The following HSF2BP variants were observed in gnomAD, a reference collection of about 807,000 sequenced individuals.
HSF2BP encodes heat shock transcription factor 2 binding protein.
In HSF2BP, 35 loss-of-function variants were observed where a neutral mutation model predicts 35.0. The ratio of observed to expected loss-of-function variants is 1.00; its 90% CI spans 0.76 to 1.32. The LOEUF is 1.32. HSF2BP is among the 40% of genes most tolerant of loss of function. HSF2BP has a pLI of 0.00. For synonymous variants in HSF2BP, 114 were observed against 117.4 expected, an observed-to-expected ratio of 0.97 and a Z score of 0.18; for missense variants, 326 against 321.7, an observed-to-expected ratio of 1.01 and a Z score of -0.10.
At chr21:43,571,943 C>T (rs987488363) in intron 8 of HSF2BP, among the ~76,000 whole-genome samples, 5 of 151,726 alleles carry the variant, frequency 3.3e-5, no homozygotes, top group East Asian at 1.9e-4. Context: ...TGAATCAGAG[C>T]GACTAGGTCC....
Position 43,622,211 on chromosome 21 carries a change from C to T in HSF2BP, c.574+8111G>A, listed in dbSNP as rs192315552. 8.6e-4 allele frequency among the ~76,000 whole-genome samples: 131 copies of T among 151,834 alleles called. 1 individual carries two copies. Among genetic ancestry groups the T allele is most frequent in the Non-Finnish European group, 1.8e-3 (121 of 67,950 alleles). On this transcript the variant is annotated intron_variant, in intron 6 of 8. Coordinates refer to ENST00000291560, the MANE Select transcript of HSF2BP (RefSeq NM_007031.2). ...ATAAAAAGCAATGAACTAAAACACACCAGAGAAAATCACTTAACCATAAAG... is the reference window on the plus strand; with the variant it reads ...ATAAAAAGCAATGAACTAAAACACATCAGAGAAAATCACTTAACCATAAAG...
intron 7 of HSF2BP, among the ~76,000 whole-genome samples, chr21:43,601,016 A>G (rs1601645836): frequency 6.6e-6 from 1 of 152,322 alleles, no homozygotes; most frequent in Non-Finnish European, 1.5e-5. Context: ...CAACTTTTTA[A>G]CTAATCACAA....
chr21:43,658,710 C>G (rs1419851838), intron 1 of HSF2BP, among the ~76,000 whole-genome samples: 1 of 152,246 alleles, frequency 6.6e-6, no homozygotes, highest in Non-Finnish European at 1.5e-5. Context: ...AGCAAGCAGC[C>G]CGCCCTGCCC....
At chr21:43,606,843 A>G (rs1163666375) in intron 7 of HSF2BP, among the ~76,000 whole-genome samples, 1 of 152,204 alleles carries the variant, frequency 6.6e-6, no homozygotes, top group African/African-American at 2.4e-5. Context: ...GGAGGAAAAA[A>G]ATTCGCATGA....
chr21:43,617,949 G>C (rs2082289623), intron 6 of HSF2BP, among the ~76,000 whole-genome samples: 1 of 150,852 alleles, frequency 6.6e-6, no homozygotes, highest in African/African-American at 2.4e-5. Context: ...GCAAAACTCA[G>C]TCTCAAACAA....
chr21:43,459,515 C>T, the HSF2BP span, among the ~76,000 whole-genome samples: 1 of 102,588 alleles, frequency 9.7e-6, no homozygotes, highest in African/African-American at 3.6e-5. Context: ...TAAATGCAGA[C>T]GTGTGTCCTG....
chr21:43,601,060 A>T (rs1028349688), intron 7 of HSF2BP, among the ~76,000 whole-genome samples: 1 of 152,218 alleles, frequency 6.6e-6, no homozygotes, highest in Non-Finnish European at 1.5e-5. Flanking sequence ...GTAGACATTT[A>T]GGTAATTTCC....
the HSF2BP span, among the ~76,000 whole-genome samples, chr21:43,467,933 A>C: frequency 1.2e-4 from 4 of 34,110 alleles, no homozygotes; most frequent in Non-Finnish European, 1.8e-4. Flanking sequence ...ACCACACACC[A>C]CACACACACA....
chr21:43,610,284 G>A (rs2082187262), intron 7 of HSF2BP, among the ~76,000 whole-genome samples: 1 of 152,046 alleles, frequency 6.6e-6, no homozygotes, highest in African/African-American at 2.4e-5. Flanking sequence ...CAGATGATAG[G>A]TGGATGATAA....
intron 7 of HSF2BP, among the ~76,000 whole-genome samples, chr21:43,605,523 CACAA>C (rs2082123882): frequency 1.3e-5 from 2 of 148,556 alleles, no homozygotes; most frequent in South Asian, 2.1e-4. Flanking sequence ...ACGCACCTCC[CACAA>C]ACACACATAC....
At chr21:43,600,113 C>T (rs1327513147) in intron 7 of HSF2BP, among the ~76,000 whole-genome samples, 2 of 152,138 alleles carry the variant, frequency 1.3e-5, no homozygotes, top group Non-Finnish European at 2.9e-5. Context: ...GTTCTCTTTA[C>T]CTAAATATAC....
chr21:43,580,589 A>C (rs1311666405), intron 8 of HSF2BP, among the ~76,000 whole-genome samples: 1 of 152,242 alleles, frequency 6.6e-6, no homozygotes, highest in Admixed American at 6.5e-5. Context: ...GTTTCAAGTC[A>C]ATAATGTTTG....
chr21:43,506,126 G>A, the HSF2BP span, among the ~76,000 whole-genome samples: 5 of 132,968 alleles, frequency 3.8e-5, 2 homozygotes, highest in African/African-American at 8.5e-5. Context: ...TCCTTCGCGG[G>A]AGAAACCCTT....
intron 3 of HSF2BP, among the ~76,000 whole-genome samples, chr21:43,653,290 G>C (rs1488139832): frequency 6.6e-6 from 1 of 151,374 alleles, no homozygotes; most frequent in Admixed American, 6.6e-5. Flanking sequence ...AAGAGAGAGA[G>C]AGAAAGAAAG....
chr21:43,658,427 T>C (rs1262940815), intron 1 of HSF2BP, 107 bp from the exon 2 acceptor site: 3 of 322,702 alleles, frequency 9.3e-6, no homozygotes, highest in Admixed American at 9.4e-5. Context: ...GGGACTGCGT[T>C]CAAATGGGCA....
chr21:43,588,557 C>G (rs2146765442), intron 8 of HSF2BP, among the ~76,000 whole-genome samples: 1 of 152,244 alleles, frequency 6.6e-6, no homozygotes, highest in South Asian at 2.1e-4. Flanking sequence ...ACCTTACTCA[C>G]TTCCATGCCT....
chr21:43,594,737 G>A (rs982460301), intron 7 of HSF2BP, among the ~76,000 whole-genome samples: 2 of 151,808 alleles, frequency 1.3e-5, no homozygotes, highest in Admixed American at 1.3e-4. Flanking sequence ...GAGACAGGGA[G>A]GGAGGAAGCG....
chr21:43,608,667 T>G (rs556850644), intron 7 of HSF2BP, among the ~76,000 whole-genome samples: 22 of 152,134 alleles, frequency 1.4e-4, no homozygotes, highest in Non-Finnish European at 2.1e-4. Flanking sequence ...ATCACAGCAC[T>G]GCTCACAATA....
At position 43,630,395 on chromosome 21, in the gene HSF2BP, C is replaced by T. The variant is rs780045050; in HGVS notation, c.501G>A (p.Ser167=). 4.3e-6 allele frequency: 7 copies of T among 1,613,540 alleles called. No individual in the cohort carries two copies. Among genetic ancestry groups the T allele is most frequent in the African/African-American group, 1.3e-5 (1 of 74,892 alleles). The part of the protein sequence containing the change: ...TGQTMESFVK[S]LDGDVQELDS... ...CCAGCTCCTGGACATCACCGTCTAACGACTTCACAAAACTCTCCATTGTTT... is the reference window on the plus strand; with the variant it reads ...CCAGCTCCTGGACATCACCGTCTAATGACTTCACAAAACTCTCCATTGTTT... Residue 167 remains serine (S), a synonymous_variant, in exon 6 of 9, where the codon TCG becomes TCA. Coordinates refer to ENST00000291560, the MANE Select transcript of HSF2BP (RefSeq NM_007031.2).
Sources: allele counts gnomAD v4.1 joint callset (sites outside exome capture counted in the v4.1 genomes callset), GRCh38; gene constraint gnomAD v4.1.1; transcripts MANE v1.5; gene names NCBI Gene and HGNC (gene_info 2026-07-23, HGNC 2026-07-21).